ABLIM3: variants seen among roughly 807,000 people sequenced by gnomAD.
The protein encoded by ABLIM3 is actin binding LIM protein family member 3.
A neutral mutation model predicts 109.5 loss-of-function variants in ABLIM3; 61 were observed. The observed-to-expected ratio is 0.56, with a 90% confidence interval of 0.45 to 0.69. ABLIM3 has a LOEUF of 0.69. Ranked by LOEUF, ABLIM3 falls within the 30% of genes least tolerant of loss-of-function variation. The pLI, the probability that ABLIM3 is intolerant of heterozygous loss-of-function variation, is 0.00. For synonymous variants in ABLIM3, 300 were observed against 324.8 expected, an observed-to-expected ratio of 0.92 and a Z score of 0.82; for missense variants, 796 against 889.5, an observed-to-expected ratio of 0.89 and a Z score of 1.34.
At chr5:149,172,484 G>A (rs548366885) in intron 2 of ABLIM3, among the ~76,000 whole-genome samples, 2 of 152,256 alleles carry the variant, frequency 1.3e-5, no homozygotes, top group East Asian at 3.9e-4. Flanking sequence ...CCACCCAGGG[G>A]CTCTGCAAGA....
At chr5:149,255,396 A>G (rs1207654287) in intron 23 of ABLIM3, among the ~76,000 whole-genome samples, 3 of 152,242 alleles carry the variant, frequency 2.0e-5, no homozygotes, top group Non-Finnish European at 4.4e-5. Context: ...GTGTGAGAAG[A>G]CATAAGATGT....
At chr5:149,194,496 G>A (rs1176803506) in intron 3 of ABLIM3, among the ~76,000 whole-genome samples, 3 of 152,178 alleles carry the variant, frequency 2.0e-5, no homozygotes, top group Non-Finnish European at 4.4e-5. Context: ...GTTTAGAACA[G>A]CATTTCCATA....
chr5:149,173,849 G>A (rs1178841177), intron 2 of ABLIM3, among the ~76,000 whole-genome samples: 5 of 152,050 alleles, frequency 3.3e-5, no homozygotes, highest in African/African-American at 1.2e-4. Context: ...GTGAAACCCC[G>A]TCTCTAATAA....
intron 11 of ABLIM3, 31 bp from the exon 12 acceptor site, chr5:149,239,217 C>A (rs1752545112): frequency 1.2e-6 from 2 of 1,613,166 alleles, no homozygotes; most frequent in African/African-American, 1.3e-5. Flanking sequence ...CTGCTCGTTC[C>A]ACAACTGCCT....
intron 2 of ABLIM3, among the ~76,000 whole-genome samples, chr5:149,148,970 C>T (rs1354372775): frequency 6.6e-6 from 1 of 152,236 alleles, no homozygotes; most frequent in East Asian, 1.9e-4. Flanking sequence ...TGCTCCTACT[C>T]ATTTTATAGG....
At chr5:149,149,537 T>C (rs1202333827) in intron 2 of ABLIM3, among the ~76,000 whole-genome samples, 1 of 152,206 alleles carries the variant, frequency 6.6e-6, no homozygotes, top group Non-Finnish European at 1.5e-5. Flanking sequence ...CCTGGCATTG[T>C]ATATGGCATG....
chr5:149,209,024 A>C (rs1227920418), intron 6 of ABLIM3, among the ~76,000 whole-genome samples: 2 of 152,188 alleles, frequency 1.3e-5, no homozygotes, highest in Non-Finnish European at 2.9e-5. Flanking sequence ...TAGGAGCTCA[A>C]ACATGTGCCC....
At chr5:149,157,866 A>G (rs915751526) in intron 2 of ABLIM3, among the ~76,000 whole-genome samples, 1 of 152,114 alleles carries the variant, frequency 6.6e-6, no homozygotes, top group African/African-American at 2.4e-5. Context: ...GCAAGAACCA[A>G]CAAACTCTCT....
chr5:149,187,004 CAG>C (rs1757023500), intron 3 of ABLIM3, among the ~76,000 whole-genome samples: 2 of 152,018 alleles, frequency 1.3e-5, no homozygotes, highest in South Asian at 4.2e-4. Context: ...ATTAATAAAA[CAG>C]AAGATTTCAT....
intron 2 of ABLIM3, among the ~76,000 whole-genome samples, chr5:149,177,574 A>G (rs1756056176): frequency 6.6e-6 from 1 of 152,180 alleles, no homozygotes; most frequent in South Asian, 2.1e-4. Flanking sequence ...CCCATAAACA[A>G]AGAGACCTCC....
chr5:149,201,604 C>T (rs917842269), intron 5 of ABLIM3, among the ~76,000 whole-genome samples: 9 of 152,172 alleles, frequency 5.9e-5, no homozygotes, highest in South Asian at 2.1e-4. Flanking sequence ...CTGGAATGTG[C>T]GGAGCCCTTT....
chr5:149,157,689 G>C (rs371351302), intron 2 of ABLIM3, among the ~76,000 whole-genome samples: 1 of 151,964 alleles, frequency 6.6e-6, no homozygotes, highest in African/African-American at 2.4e-5. Context: ...TTATTCCATT[G>C]AGATTGCTGA....
At chr5:149,184,638 A>G (rs1244493545) in intron 3 of ABLIM3, among the ~76,000 whole-genome samples, 1 of 152,204 alleles carries the variant, frequency 6.6e-6, no homozygotes, top group Non-Finnish European at 1.5e-5. Context: ...AGGTCTAGCA[A>G]ATACAAAGGA....
At chr5:149,211,943 G>C (rs1209910370) in intron 7 of ABLIM3, among the ~76,000 whole-genome samples, 1 of 152,096 alleles carries the variant, frequency 6.6e-6, no homozygotes, top group Non-Finnish European at 1.5e-5. Context: ...CAAGTGGCCA[G>C]ATTTGGCTGA....
At position 149,216,977 on chromosome 5, in the gene ABLIM3, C is replaced by G; in HGVS notation, c.688C>G (p.His230Asp). The change falls in exon 8 of 24, where the codon CAC (histidine) becomes GAC (aspartate). Residue 230 changes from histidine to aspartate, a missense_variant. Coordinates refer to ENST00000309868, the MANE Select transcript of ABLIM3 (RefSeq NM_014945.5). Reference sequence around the variant, plus strand: ...TCCATAGGCAGGAGGGAAGCACTACCACCCAACCTGTGCCAGGTGTGTACG... The same window carrying G: ...TCCATAGGCAGGAGGGAAGCACTACGACCCAACCTGTGCCAGGTGTGTACG... ...RVLEAGGKHY[H>D]PTCARCVRCH... The G allele has an allele frequency of 6.2e-7, 1 of 1,614,168 alleles. No individual in the cohort carries two copies.
chr5:149,252,889 G>T, intron 23 of ABLIM3, 52 bp downstream of exon 23: 2 of 1,445,850 alleles, frequency 1.4e-6, no homozygotes, highest in South Asian at 1.1e-5. Flanking sequence ...AATTTCAGAA[G>T]TTGCTTGGTA....
intron 3 of ABLIM3, among the ~76,000 whole-genome samples, chr5:149,193,462 T>C (rs1223539767): frequency 6.6e-6 from 1 of 151,074 alleles, no homozygotes; most frequent in Non-Finnish European, 1.5e-5. Context: ...AAGAAAGACA[T>C]TAAATACCTA....
At chr5:149,249,975 C>G in intron 19 of ABLIM3, 131 bp downstream of exon 19, 1 of 1,140,828 alleles carries the variant, frequency 8.8e-7, no homozygotes, top group Non-Finnish European at 1.3e-6. Context: ...CTCAAATAGT[C>G]TACTCCATTG....
chr5:149,224,820 A>T (rs549327935), intron 8 of ABLIM3, among the ~76,000 whole-genome samples: 17 of 152,342 alleles, frequency 1.1e-4, no homozygotes, highest in African/African-American at 4.1e-4. Flanking sequence ...TACTGTTGTC[A>T]TCCCTGTTTT....
Sources: allele counts gnomAD v4.1 joint callset (sites outside exome capture counted in the v4.1 genomes callset), GRCh38; gene constraint gnomAD v4.1.1; transcripts MANE v1.5; gene names NCBI Gene and HGNC (gene_info 2026-07-23, HGNC 2026-07-21).